The following CAMK1D variants were observed in gnomAD, a reference collection of about 807,000 sequenced individuals.
CAMK1D encodes calcium/calmodulin-dependent protein kinase type 1D.
CAMK1D carries 9 observed loss-of-function variants against 47.7 expected under a neutral mutation model. The ratio of observed to expected loss-of-function variants is 0.19; its 90% CI spans 0.11 to 0.33. The LOEUF (loss-of-function observed/expected upper bound fraction) is 0.33, where lower values mean the gene tolerates loss of function less well. Ranked by LOEUF, CAMK1D falls within the 10% of genes least tolerant of loss-of-function variation. CAMK1D has a pLI of 1.00. For missense variants in CAMK1D, 291 were observed against 488.7 expected, an observed-to-expected ratio of 0.60 and a Z score of 3.81; for synonymous variants, 184 against 184.9, an observed-to-expected ratio of 0.99 and a Z score of 0.04.
intron 1 of CAMK1D, among the ~76,000 whole-genome samples, chr10:12,394,116 T>C (rs1171084973): frequency 6.6e-6 from 1 of 152,212 alleles, no homozygotes; most frequent in African/African-American, 2.4e-5. Context: ...TTTGATCGTT[T>C]GCGATAATGG....
chr10:12,441,128 T>C (rs1193736528), intron 1 of CAMK1D, among the ~76,000 whole-genome samples: 1 of 152,106 alleles, frequency 6.6e-6, no homozygotes, highest in Non-Finnish European at 1.5e-5. Flanking sequence ...TCCATAAAAA[T>C]AGACAGTTTT....
intron 1 of CAMK1D, among the ~76,000 whole-genome samples, chr10:12,397,245 G>A (rs894376096): frequency 2.6e-5 from 4 of 152,094 alleles, no homozygotes; most frequent in Admixed American, 6.5e-5. Context: ...GAAAATGAGC[G>A]GGGCTGGTTT....
chr10:12,368,186 G>C (rs930438238), intron 1 of CAMK1D, among the ~76,000 whole-genome samples: 4 of 142,308 alleles, frequency 2.8e-5, no homozygotes, highest in African/African-American at 1.0e-4. Context: ...GCGACAGAGC[G>C]AGACTCCGTC....
chr10:12,606,155 G>T (rs1838454146), intron 2 of CAMK1D, among the ~76,000 whole-genome samples: 1 of 152,048 alleles, frequency 6.6e-6, no homozygotes, highest in Non-Finnish European at 1.5e-5. Flanking sequence ...AACAACGCAG[G>T]TGCCGTCATC....
chr10:12,813,199 G>A (rs543541375), intron 6 of CAMK1D, among the ~76,000 whole-genome samples: 2 of 152,296 alleles, frequency 1.3e-5, no homozygotes, highest in African/African-American at 4.8e-5. Context: ...TTATGATATT[G>A]TAGGCTTACA....
In CAMK1D at chr10:12,441,651, T is replaced by TA. The variant is rs957038684; in HGVS notation, c.92+91751dup. The stretch of plus-strand genomic sequence containing the variant: ...AACACGGTGAAACCCTGCCTCTACT[T>TA]AAAAAAAAAATTTTCTGGGTGTGGT... On this transcript the variant is annotated intron_variant, in intron 1 of 10. Transcript: ENST00000619168. 1.3e-4 allele frequency among the ~76,000 whole-genome samples: 19 copies of TA among 150,096 alleles called. No individual in the cohort carries two copies. In the South Asian group the frequency reaches 2.5e-3, roughly 20 times the overall value.
chr10:12,743,375 G>GAAAAAA (rs1564530136), intron 3 of CAMK1D, among the ~76,000 whole-genome samples: 2 of 147,396 alleles, frequency 1.4e-5, no homozygotes, highest in Admixed American at 6.7e-5. Context: ...AAGAAAAAAA[G>GAAAAAA]AAAAAGGAAA....
chr10:12,717,603 T>C (rs111657518), intron 3 of CAMK1D, among the ~76,000 whole-genome samples: 1,777 of 149,032 alleles, frequency 0.012, 24 homozygotes, highest in African/African-American at 0.041. Flanking sequence ...AAAAAAAAAA[T>C]AGCCAGGTTT....
chr10:12,388,216 G>C (rs1380517254), intron 1 of CAMK1D, among the ~76,000 whole-genome samples: 2 of 152,142 alleles, frequency 1.3e-5, no homozygotes, highest in Admixed American at 6.5e-5. Context: ...TAGTAGAGAT[G>C]GGGTTTTGTC....
At chr10:12,462,003 C>T (rs1833441937) in intron 1 of CAMK1D, among the ~76,000 whole-genome samples, 1 of 148,086 alleles carries the variant, frequency 6.8e-6, no homozygotes, top group African/African-American at 2.5e-5. Context: ...GTCTTATATA[C>T]CAAGACCCCT....
intron 1 of CAMK1D, among the ~76,000 whole-genome samples, chr10:12,529,428 G>C (rs1159029986): frequency 6.6e-6 from 1 of 152,124 alleles, no homozygotes; most frequent in Non-Finnish European, 1.5e-5. Flanking sequence ...CGTCCACATT[G>C]GTACACTTTT....
chr10:12,488,789 G>A lies in CAMK1D; in HGVS notation c.93-64436G>A, dbSNP rs117266721. Among the ~76,000 whole-genome samples, 1,266 of 152,238 alleles carry A rather than the reference G, an allele frequency of 8.3e-3. 43 individuals carry two copies. Among genetic ancestry groups the A allele is most frequent in the South Asian group, 0.072 (345 of 4,822 alleles). On this transcript the variant is annotated intron_variant, in intron 1 of 10. Coordinates refer to ENST00000619168, the MANE Select transcript of CAMK1D (RefSeq NM_153498.4). ...CCTCGCGTGCGCAGTTCACAATAGGGTTCATACTCCCGTGAGAATCTAATG... is the reference window on the plus strand; with the variant it reads ...CCTCGCGTGCGCAGTTCACAATAGGATTCATACTCCCGTGAGAATCTAATG...
In CAMK1D at chr10:12,623,451, T is replaced by G. The variant is rs796776602; in HGVS notation, c.225-43285T>G. Among the ~76,000 whole-genome samples, 4 of 8,758 alleles carry G rather than the reference T, an allele frequency of 4.6e-4. 1 individual carries two copies. The highest frequency in any genetic ancestry group is 1.7e-3 in the Admixed American group (1 of 606). 5.7% of individuals were successfully genotyped at this position (8,758 alleles called of 152,430 possible). A position where few individuals can be genotyped will look rare whatever the true frequency, so the allele number is the denominator to read the frequency against. On this transcript the variant is annotated intron_variant, in intron 2 of 10. Coordinates refer to ENST00000619168, the MANE Select transcript of CAMK1D (RefSeq NM_153498.4). ...TCCCTCCCTCCCTTCTTTCCTTCCT[T>G]CCTCCCTCCCTCTCTCCCTCCCTCC...
intron 2 of CAMK1D, among the ~76,000 whole-genome samples, chr10:12,662,405 G>A (rs1008867584): frequency 6.6e-6 from 1 of 152,196 alleles, no homozygotes; most frequent in Non-Finnish European, 1.5e-5. Flanking sequence ...TGTAATCCCA[G>A]CACTTTGGGA....
At position 12,387,380 on chromosome 10, in the gene CAMK1D, A is replaced by T. The variant is rs1259296642; in HGVS notation, c.92+37470A>T. ...TATATATATAATATATATATTATAT[A>T]TTATATATATTATATATTTTTATAT... On this transcript the variant is annotated intron_variant, in intron 1 of 10. Coordinates refer to ENST00000619168, the MANE Select transcript of CAMK1D (RefSeq NM_153498.4). Among the ~76,000 whole-genome samples, 15 of 31,850 alleles carry T rather than the reference A, an allele frequency of 4.7e-4. 1 individual carries two copies. In the East Asian group the frequency reaches 0.018, roughly 39 times the overall value. The allele number at this position is 31,850 out of a possible 152,430, so 20.9% of individuals were successfully genotyped here.
At chr10:12,355,452 T>TTGTGTGTGCG (rs1176992803) in intron 1 of CAMK1D, among the ~76,000 whole-genome samples, 10 of 151,912 alleles carry the variant, frequency 6.6e-5, no homozygotes, top group African/African-American at 2.4e-4. Context: ...GTATATGTGT[T>TTGTGTGTGCG]TGTGTGTGCG....
At chr10:12,597,696 C>T (rs900541255) in intron 2 of CAMK1D, among the ~76,000 whole-genome samples, 2 of 152,156 alleles carry the variant, frequency 1.3e-5, no homozygotes, top group African/African-American at 4.8e-5. Context: ...TATTCAGATC[C>T]TTGGCCAGTT....
intron 1 of CAMK1D, among the ~76,000 whole-genome samples, chr10:12,401,066 TTATA>T (rs1379688535): frequency 1.2e-5 from 1 of 86,658 alleles, no homozygotes; most frequent in Non-Finnish European, 2.2e-5. Flanking sequence ...TATATATATT[TTATA>T]TATATAATAT....
At chr10:12,644,298 C>A (rs17152050) in intron 2 of CAMK1D, among the ~76,000 whole-genome samples, 3,577 of 152,266 alleles carry the variant, frequency 0.023, 53 homozygotes, top group East Asian at 0.044. Flanking sequence ...AACAAATGTT[C>A]CTTTTTCCAT....
Sources: allele counts gnomAD v4.1 joint callset (sites outside exome capture counted in the v4.1 genomes callset), GRCh38; gene constraint gnomAD v4.1.1; transcripts MANE v1.5; gene names NCBI Gene and HGNC (gene_info 2026-07-23, HGNC 2026-07-21).